Variants in NCAM2 observed in about 807,000 individuals in gnomAD.
The protein encoded by NCAM2 is neural cell adhesion molecule 2.
NCAM2 carries 30 observed loss-of-function variants against 98.1 expected under a neutral mutation model. The observed-to-expected ratio is 0.31, with a 90% confidence interval of 0.23 to 0.41. The LOEUF (loss-of-function observed/expected upper bound fraction) is 0.41. NCAM2 is among the 10% of genes least tolerant of loss of function. NCAM2 has a pLI of 1.00. For missense variants in NCAM2, 867 were observed against 1,005.8 expected (o/e 0.86, Z 1.87); for synonymous variants, 368 against 342.4 (o/e 1.07, Z -0.83).
intron 1 of NCAM2, among the ~76,000 whole-genome samples, chr21:21,251,010 C>T (rs2071448297): frequency 6.6e-6 from 1 of 152,108 alleles, no homozygotes; most frequent in African/African-American, 2.4e-5. Flanking sequence ...TAAGTTTAAC[C>T]TGGCATGATT....
chr21:21,067,538 T>C (rs947818499), intron 1 of NCAM2, among the ~76,000 whole-genome samples: 2 of 152,118 alleles, frequency 1.3e-5, no homozygotes, highest in South Asian at 2.1e-4. Flanking sequence ...TTGAAAACTT[T>C]GGGAGAATGC....
intron 1 of NCAM2, among the ~76,000 whole-genome samples, chr21:21,173,368 T>C (rs755887616): frequency 1.3e-5 from 2 of 152,212 alleles, no homozygotes; most frequent in Non-Finnish European, 2.9e-5. Flanking sequence ...ACAGACTTGC[T>C]TAGAGGCACA....
chr21:21,337,746 T>C lies in NCAM2; in HGVS notation c.899-643T>C, dbSNP rs184172188. 2.4e-3 allele frequency among the ~76,000 whole-genome samples: 361 copies of C among 152,060 alleles called. 1 individual carries two copies. Among genetic ancestry groups the C allele is most frequent in the Middle Eastern group, 3.4e-3 (1 of 294 alleles). ...GCTTTTCTTTTTATACAATTGATGA[T>C]TAAAAATTAGTTACGTTGTCTAGTA... On this transcript the variant is annotated intron_variant, in intron 7 of 17. Coordinates refer to ENST00000400546, the MANE Select transcript of NCAM2 (RefSeq NM_004540.5).
chr21:21,513,289 T>G (rs1379552063), intron 16 of NCAM2, among the ~76,000 whole-genome samples: 5 of 152,124 alleles, frequency 3.3e-5, no homozygotes, highest in Admixed American at 1.3e-4. Context: ...ATTGTAAGGT[T>G]ATTTAGTTAA....
chr21:21,087,611 T>TA (rs948391244), intron 1 of NCAM2, among the ~76,000 whole-genome samples: 23 of 152,320 alleles, frequency 1.5e-4, no homozygotes, highest in Non-Finnish European at 2.5e-4. Flanking sequence ...AATAAGGTGT[T>TA]ATCTTAATTT....
chr21:21,509,101 A>G, intron 16 of NCAM2, 46 bp downstream of exon 16: 1 of 1,598,878 alleles, frequency 6.3e-7, no homozygotes, highest in Non-Finnish European at 8.6e-7. Flanking sequence ...CAAGCGCCAC[A>G]GTCAAGCTCG....
At chr21:21,299,469 A>G (rs1409520262) in intron 5 of NCAM2, among the ~76,000 whole-genome samples, 1 of 151,912 alleles carries the variant, frequency 6.6e-6, no homozygotes, top group African/African-American at 2.4e-5. Flanking sequence ...CATGTGCTAC[A>G]TCATCTTCTT....
chr21:21,260,614 T>A (rs747291687), intron 1 of NCAM2, among the ~76,000 whole-genome samples: 20 of 151,758 alleles, frequency 1.3e-4, no homozygotes, highest in Non-Finnish European at 2.6e-4. Flanking sequence ...AACTAACCTT[T>A]ATAAATAAAG....
At chr21:21,334,208 C>T (rs918616644) in intron 6 of NCAM2, among the ~76,000 whole-genome samples, 1 of 152,142 alleles carries the variant, frequency 6.6e-6, no homozygotes, top group African/African-American at 2.4e-5. Context: ...GCTGGGATTA[C>T]AGGCATGACC....
chr21:21,498,803 A>T (rs997457215), intron 15 of NCAM2, among the ~76,000 whole-genome samples: 1 of 152,184 alleles, frequency 6.6e-6, no homozygotes, highest in African/African-American at 2.4e-5. Context: ...AGATGAATTG[A>T]TCTAAAATAT....
intron 16 of NCAM2, among the ~76,000 whole-genome samples, chr21:21,510,043 G>A (rs538047627): frequency 6.6e-6 from 1 of 152,158 alleles, no homozygotes; most frequent in East Asian, 1.9e-4. Flanking sequence ...AACTAGTTGG[G>A]TTCCACAATT....
At chr21:21,252,035 T>A (rs1017497010) in intron 1 of NCAM2, among the ~76,000 whole-genome samples, 4 of 151,898 alleles carry the variant, frequency 2.6e-5, no homozygotes, top group African/African-American at 7.3e-5. Flanking sequence ...AGTTTGGGGT[T>A]CAAAGGATAT....
chr21:21,291,898 G>GAAA, intron 4 of NCAM2, among the ~76,000 whole-genome samples: 1 of 146,014 alleles, frequency 6.8e-6, no homozygotes, highest in Non-Finnish European at 1.5e-5. Context: ...ATTCTTTTAG[G>GAAA]AAAAAAAAAA....
chr21:21,050,644 A>G (rs1034961653), intron 1 of NCAM2, among the ~76,000 whole-genome samples: 1 of 152,150 alleles, frequency 6.6e-6, no homozygotes, highest in African/African-American at 2.4e-5. Context: ...AACACCTGTC[A>G]TTGGGGGTCT....
chr21:21,138,035 T>C (rs2826684), intron 1 of NCAM2, among the ~76,000 whole-genome samples: 63,318 of 151,948 alleles, frequency 0.42, 13,744 homozygotes, highest in African/African-American at 0.54. Context: ...CCTCTAGCAT[T>C]TATATCTGAG....
At chr21:21,425,394 T>G (rs2077195414) in intron 11 of NCAM2, among the ~76,000 whole-genome samples, 1 of 152,202 alleles carries the variant, frequency 6.6e-6, no homozygotes, top group South Asian at 2.1e-4. Context: ...AATTGAATGT[T>G]TGAATGGTTC....
At chr21:21,100,656 T>G (rs992707513) in intron 1 of NCAM2, among the ~76,000 whole-genome samples, 11 of 152,172 alleles carry the variant, frequency 7.2e-5, no homozygotes, top group Non-Finnish European at 1.6e-4. Context: ...TTCTAACACT[T>G]GAGTCTACTT....
intron 8 of NCAM2, among the ~76,000 whole-genome samples, chr21:21,354,013 C>T (rs183876589): frequency 6.1e-4 from 93 of 151,922 alleles, no homozygotes; most frequent in African/African-American, 1.6e-3. Context: ...AAAGTTCTAC[C>T]GAGGGAGTGA....
chr21:21,256,031 G>A (rs907473600), intron 1 of NCAM2, among the ~76,000 whole-genome samples: 1 of 152,100 alleles, frequency 6.6e-6, no homozygotes, highest in African/African-American at 2.4e-5. Flanking sequence ...GTGTATACTG[G>A]GTTAGGTAGA....
Sources: gnomAD v4.1 joint callset for allele counts (sites outside exome capture counted in the v4.1 genomes callset) on GRCh38, gnomAD v4.1.1 for gene constraint, MANE v1.5 for transcripts, NCBI Gene and HGNC (gene_info 2026-07-23, HGNC 2026-07-21) for gene names.